The following DCAF8L2 variants were observed in gnomAD, a reference collection of about 807,000 sequenced individuals.
The protein encoded by DCAF8L2 is DDB1 and CUL4 associated factor 8 like 2.
For missense variants in DCAF8L2, 430 were observed against 490.7 expected, an observed-to-expected ratio of 0.88 and a Z score of 1.17; for synonymous variants, 200 against 190.9, an observed-to-expected ratio of 1.05 and a Z score of -0.39.
At chrX:27,648,892 T>C (rs929953131) in intron 2 of DCAF8L2, among the ~76,000 whole-genome samples, 1 of 112,074 alleles carries the variant, frequency 8.9e-6, no homozygotes, top group Non-Finnish European at 1.9e-5. Flanking sequence ...ATGAAAGTTA[T>C]ATTTACTGGC....
the DCAF8L2 span, among the ~76,000 whole-genome samples, chrX:27,567,031 C>G: frequency 5.4e-5 from 6 of 111,221 alleles, no homozygotes; most frequent in Admixed American, 5.8e-4. Flanking sequence ...TGTGAATATC[C>G]ACTTTTCCTA....
chrX:27,641,241 T>C (rs1418197425), intron 2 of DCAF8L2, among the ~76,000 whole-genome samples: 1 of 111,611 alleles, frequency 9.0e-6, no homozygotes, highest in Admixed American at 9.5e-5. Flanking sequence ...CTAAAGGATT[T>C]CATTTAAAAT....
At chrX:27,700,132 A>T (rs749316974) in intron 3 of DCAF8L2, among the ~76,000 whole-genome samples, 8 of 111,178 alleles carry the variant, frequency 7.2e-5, no homozygotes, top group Admixed American at 1.9e-4. Context: ...TAAGAGTCAA[A>T]ATGGACTGAT....
chrX:27,500,263 C>T, the DCAF8L2 span, among the ~76,000 whole-genome samples: 1 of 111,639 alleles, frequency 9.0e-6, no homozygotes, highest in African/African-American at 3.3e-5. Flanking sequence ...GCTACAAATA[C>T]AGCAAGAAAT....
At chrX:27,575,526 C>T in the DCAF8L2 span, among the ~76,000 whole-genome samples, 1 of 111,722 alleles carries the variant, frequency 9.0e-6, no homozygotes, top group South Asian at 3.8e-4. Context: ...CCACACTCTT[C>T]CCTTCCCAGC....
chrX:27,655,264 T>A (rs1347973127), intron 2 of DCAF8L2, among the ~76,000 whole-genome samples: 1 of 112,471 alleles, frequency 8.9e-6, no homozygotes, highest in East Asian at 2.8e-4. Flanking sequence ...GAGTACTGTT[T>A]CAAGAGATTG....
At chrX:27,731,710 G>A (rs1449262104) in intron 4 of DCAF8L2, among the ~76,000 whole-genome samples, 3 of 111,458 alleles carry the variant, frequency 2.7e-5, no homozygotes, top group African/African-American at 9.8e-5. Flanking sequence ...CAAATACACA[G>A]TACATAACAG....
chrX:27,533,234 GAGAAAGAAAGAA>G, the DCAF8L2 span, among the ~76,000 whole-genome samples: 3 of 33,719 alleles, frequency 8.9e-5, no homozygotes, highest in Non-Finnish European at 2.4e-4. Context: ...AAGAAAGAAA[GAGAAAGAAAGAA>G]AGAAAGAAAG....
intron 3 of DCAF8L2, among the ~76,000 whole-genome samples, chrX:27,692,526 T>C: frequency 8.9e-6 from 1 of 112,086 alleles, no homozygotes; most frequent in East Asian, 2.8e-4. Context: ...TAGAGAAGAC[T>C]TTTAAACAAA....
intron 2 of DCAF8L2, among the ~76,000 whole-genome samples, chrX:27,638,513 A>C (rs182047921): frequency 7.1e-5 from 8 of 111,999 alleles, no homozygotes; most frequent in Admixed American, 5.7e-4. Flanking sequence ...TATGAGCTTT[A>C]TAAATCTTGA....
chrX:27,744,876 C>T (rs953534108), intron 4 of DCAF8L2, among the ~76,000 whole-genome samples: 1 of 112,342 alleles, frequency 8.9e-6, no homozygotes, highest in Non-Finnish European at 1.9e-5. Context: ...GAGTTCCTCA[C>T]TAAAAGCAGA....
chrX:27,494,781 A>G, the DCAF8L2 span, among the ~76,000 whole-genome samples: 3 of 112,063 alleles, frequency 2.7e-5, no homozygotes, highest in African/African-American at 9.7e-5. Flanking sequence ...ATACAGTTTT[A>G]GTTCTGTTCT....
At chrX:27,537,235 A>G in the DCAF8L2 span, among the ~76,000 whole-genome samples, 2 of 112,438 alleles carry the variant, frequency 1.8e-5, no homozygotes, top group African/African-American at 3.2e-5. Flanking sequence ...TAGGGCACAT[A>G]TGAAATCATA....
At chrX:27,616,910 G>T (rs184630697) in intron 1 of DCAF8L2, among the ~76,000 whole-genome samples, 2 of 111,751 alleles carry the variant, frequency 1.8e-5, no homozygotes, top group Admixed American at 1.9e-4. Context: ...TCCCAAGAGG[G>T]AAAATACATT....
intron 1 of DCAF8L2, among the ~76,000 whole-genome samples, chrX:27,609,570 G>C (rs893185368): frequency 3.6e-5 from 4 of 111,441 alleles, no homozygotes; most frequent in African/African-American, 9.8e-5. Flanking sequence ...AGCGTCTCTT[G>C]GCAGGCCCCT....
intron 2 of DCAF8L2, among the ~76,000 whole-genome samples, chrX:27,658,881 A>G (rs1929450158): frequency 1.0e-5 from 1 of 98,870 alleles, no homozygotes; most frequent in Non-Finnish European, 2.0e-5. Flanking sequence ...AGAAAAAGAA[A>G]TGAAAACATT....
intron 4 of DCAF8L2, among the ~76,000 whole-genome samples, chrX:27,720,574 C>T (rs1262770962): frequency 2.7e-5 from 3 of 110,964 alleles, no homozygotes; most frequent in Middle Eastern, 4.3e-3. Context: ...GGGGTTTCAC[C>T]TTGTTAGCCA....
At chrX:27,646,691 G>T (rs1264346048) in intron 2 of DCAF8L2, among the ~76,000 whole-genome samples, 5 of 110,738 alleles carry the variant, frequency 4.5e-5, no homozygotes, top group Non-Finnish European at 9.4e-5. Context: ...GGATCTATAA[G>T]GAACTTAAGC....
At chrX:27,523,781 C>A in the DCAF8L2 span, among the ~76,000 whole-genome samples, 1 of 109,845 alleles carries the variant, frequency 9.1e-6, no homozygotes, top group Non-Finnish European at 1.9e-5. Flanking sequence ...CCCCACCCCA[C>A]AACAGGGCCT....
Sources: allele counts gnomAD v4.1 joint callset (sites outside exome capture counted in the v4.1 genomes callset), GRCh38; gene constraint gnomAD v4.1.1; transcripts MANE v1.5; gene names NCBI Gene and HGNC (gene_info 2026-07-23, HGNC 2026-07-21).